Variants in UNC13D observed in about 807,000 individuals in gnomAD.
The protein encoded by UNC13D is unc-13 homolog D.
UNC13D carries 115 observed loss-of-function variants against 151.7 expected under a neutral mutation model. The ratio of observed to expected loss-of-function variants is 0.76; its 90% CI spans 0.65 to 0.88. The LOEUF is 0.88. Among genes scored for constraint, UNC13D ranks in the 40% least tolerant of loss-of-function variants. The pLI, the probability that UNC13D is intolerant of heterozygous loss-of-function variation, is 0.00. For missense variants in UNC13D, 1,369 were observed against 1,438.7 expected (o/e 0.95, Z 0.78); for synonymous variants, 588 against 612.2 (o/e 0.96, Z 0.58).
At chr17:75,837,920 C>G (rs1260115264) in intron 12 of UNC13D, among the ~76,000 whole-genome samples, 1 of 152,102 alleles carries the variant, frequency 6.6e-6, no homozygotes, top group Admixed American at 6.5e-5. Flanking sequence ...AGCCTGGGGA[C>G]AGGCCGAAGT....
At position 75,843,285 on chromosome 17, in the gene UNC13D, C is replaced by T. The variant is rs3744009; in HGVS notation, c.154-19G>A. 0.26 allele frequency: 409,960 copies of T among 1,602,580 alleles called. 55,603 individuals are homozygous for T. Among genetic ancestry groups the T allele is most frequent in the African/African-American group, 0.48 (36,138 of 74,862 alleles). On this transcript the variant is annotated intron_variant, in intron 2 of 31. Transcript: ENST00000207549. ...GGGCCCGCTAAGACACACGGGGTCA[C>T]CTTGGGGACCCCACCAGCCACCCCT...
chr17:75,842,644 AGGGAGTCGGCTGGGTCCCT>A, intron 5 of UNC13D, 31 bp from the exon 6 acceptor site: 1 of 1,609,748 alleles, frequency 6.2e-7, no homozygotes, highest in Non-Finnish European at 8.5e-7. Context: ...CGAGGCAGCC[AGGGAGTCGGCTGGGTCCCT>A]GGGAGAGGCC....
chr17:75,831,719 T>G, intron 25 of UNC13D: 1 of 270,630 alleles, frequency 3.7e-6, no homozygotes, highest in Non-Finnish European at 7.2e-6. Flanking sequence ...TCCCAGCACT[T>G]TGGGAGGTCG....
intron 25 of UNC13D, chr17:75,831,589 C>T: frequency 1.7e-6 from 1 of 575,328 alleles, no homozygotes; most frequent in Non-Finnish European, 3.1e-6. Flanking sequence ...AGTGAGGAAC[C>T]CTCCCCAGCA....
At position 75,840,817 on chromosome 17, in the gene UNC13D, C is replaced by T; in HGVS notation, c.628G>A (p.Val210Met). 6.2e-7 allele frequency: 1 copy of T among 1,614,060 alleles called. No individual in the cohort carries two copies. Among genetic ancestry groups the T allele is most frequent in the Non-Finnish European group, 8.5e-7 (1 of 1,180,038 alleles). The change falls in exon 8 of 32, where the codon GTG becomes ATG. Residue 210 changes from valine (V) to methionine (M), a missense_variant. By Grantham distance (21) the Val-to-Met change is conservative. This residue lies in a region of UNC13D where 550 missense variants were observed against 609.0 expected (regional missense o/e 0.90). Transcript: ENST00000207549. This position sits in a 1 kb window ranked among gnomAD's most constrained non-coding sequence, Gnocchi z 4.6. The part of the protein sequence containing the change: ...FHLDMWDLDT[V>M]ESVRQKLGEL... ...CCAAGCTTCTGTCGGACAGACTCCA[C>T]AGTGTCCAGGTCCCTGGCAGGACAG...
rs758913155 is a variant in UNC13D at position 75,834,068 on chromosome 17, C to T, written c.2367+7G>A. ...GGTGAAGGCCAGCAGGCAGAAGGGCCACTTACATCCTCAGGCAGGACAGAC... is the reference window on the plus strand; with the variant it reads ...GGTGAAGGCCAGCAGGCAGAAGGGCTACTTACATCCTCAGGCAGGACAGAC... On this transcript the variant is annotated splice_region_variant and intron_variant, in intron 24 of 31. Coordinates refer to ENST00000207549, the MANE Select transcript of UNC13D (RefSeq NM_199242.3). 6.2e-7 allele frequency: 1 copy of T among 1,613,650 alleles called. No individual in the cohort carries two copies. The highest frequency in any genetic ancestry group is 8.5e-7 in the Non-Finnish European group (1 of 1,180,004).
At position 75,834,532 on chromosome 17, in the gene UNC13D, C is replaced by T. The variant is rs2064893532; in HGVS notation, c.2092-1G>A. On this transcript the variant is annotated splice_acceptor_variant, in intron 22 of 31. Transcript: ENST00000207549. LOFTEE classifies it high-confidence loss of function. ...CCATGTCATTCACCACCACACACAG[C>T]TGGGACAGAGATGCAGAGCTTCCTG... is the stretch of plus-strand genomic sequence containing the variant. 1.9e-6 allele frequency: 3 copies of T among 1,596,262 alleles called. No homozygotes were observed. Among genetic ancestry groups the T allele is most frequent in the Non-Finnish European group, 2.6e-6 (3 of 1,171,470 alleles).
rs199672701 is a variant in UNC13D at position 75,836,056 on chromosome 17, G to A, written c.1500C>T (p.Gly500=). 34 of 1,613,762 alleles carry A rather than the reference G, an allele frequency of 2.1e-5. No homozygotes were observed. Among genetic ancestry groups the A allele is most frequent in the Admixed American group, 6.7e-5 (4 of 60,012 alleles). Residue 500 remains glycine (G), a synonymous_variant, in exon 17 of 32, where the codon GGC becomes GGT. Coordinates refer to ENST00000207549, the MANE Select transcript of UNC13D (RefSeq NM_199242.3). ...ALLGLVQDVI[G]DLHQCQRTWD... ...ATGTGCGCTGGCACTGGTGCAGGTC[G>A]CCAATGACATCCTGTACCAGGCCCA...
At position 75,840,940 on chromosome 17, in the gene UNC13D, C is replaced by A; in HGVS notation, c.614+17G>T. The A allele has an allele frequency of 6.2e-7, 1 of 1,614,060 alleles. No homozygotes were observed. Among genetic ancestry groups the A allele is most frequent in the Non-Finnish European group, 8.5e-7 (1 of 1,180,024 alleles). On this transcript the variant is annotated intron_variant, in intron 7 of 31. Transcript: ENST00000207549. This position sits in a 1 kb window ranked among gnomAD's most constrained non-coding sequence, Gnocchi z 4.6. Reference sequence around the variant, plus strand: ...TCCCTTCCCTTCCCATCCCTAGGGGCAGGCCAGGTCACTCACCACATGTCC... The same window carrying A: ...TCCCTTCCCTTCCCATCCCTAGGGGAAGGCCAGGTCACTCACCACATGTCC...
rs959141233 is a variant in UNC13D at position 75,833,831 on chromosome 17, C to T, written c.2367+244G>A. ...CAGCTGAGAAGGATGTGCACCCTGG[C>T]CTGTTTGGCTGCAAAGTCTAAGCCG... On this transcript the variant is annotated intron_variant, in intron 24 of 31. Transcript: ENST00000207549. The surrounding 1 kb of genome is among the most constrained non-coding windows in gnomAD (Gnocchi z 4.0). Among the ~76,000 whole-genome samples, 3 of 152,194 alleles carry T rather than the reference C, an allele frequency of 2.0e-5. No homozygotes were observed. The highest frequency in any genetic ancestry group is 4.4e-5 in the Non-Finnish European group (3 of 68,042).
rs774667766 is a variant in UNC13D at position 75,836,396 on chromosome 17, A to G, written c.1332T>C (p.Phe444=). The G allele has an allele frequency of 5.0e-6, 8 of 1,613,622 alleles. No individual in the cohort carries two copies. Among genetic ancestry groups the G allele is most frequent in the African/African-American group, 4.0e-5 (3 of 74,948 alleles). The part of the protein sequence containing the change: ...VLVQMCKMKA[F]GELCPNTAPL... ...GGGCGGTGTTGGGGCACAGTTCTCCAAAGGCCTTCATCTTGCACATCTGTA... is the reference window on the plus strand; with the variant it reads ...GGGCGGTGTTGGGGCACAGTTCTCCGAAGGCCTTCATCTTGCACATCTGTA... The change falls in exon 15 of 32, where the codon TTT becomes TTC. Residue 444 remains phenylalanine (F), a synonymous_variant. Coordinates refer to ENST00000207549, the MANE Select transcript of UNC13D (RefSeq NM_199242.3).
rs144543659 is a variant in UNC13D at position 75,833,522 on chromosome 17, G to A, written c.2368-477C>T. Among the ~76,000 whole-genome samples, 264 of 152,258 alleles carry A rather than the reference G, an allele frequency of 1.7e-3. 1 individual carries two copies. Among genetic ancestry groups the A allele is most frequent in the African/African-American group, 6.0e-3 (250 of 41,532 alleles). On this transcript the variant is annotated intron_variant, in intron 24 of 31. Transcript: ENST00000207549. The surrounding 1 kb of genome is among the most constrained non-coding windows in gnomAD (Gnocchi z 4.0). Reference sequence around the variant, plus strand: ...GCACGCGCATACACGCCTGTGCATAGAGTTAACAGCTATAACTATCACTAT... The same window carrying A: ...GCACGCGCATACACGCCTGTGCATAAAGTTAACAGCTATAACTATCACTAT...
intron 31 of UNC13D, 99 bp downstream of exon 31, chr17:75,828,688 G>T: frequency 7.5e-7 from 1 of 1,326,562 alleles, no homozygotes. Context: ...CCGTCTCCAG[G>T]GAAGCTGTTC....
chr17:75,841,386 G>A (rs1433871423), intron 6 of UNC13D, among the ~76,000 whole-genome samples: 5 of 149,888 alleles, frequency 3.3e-5, no homozygotes, highest in African/African-American at 9.9e-5. Context: ...CTCGTGATCC[G>A]CCCGCCTAGG....
chr17:75,837,006 C>CCCTCCTCCAGGGCCCCTGGTGGAGAA lies in UNC13D; in HGVS notation c.1056-89_1056-88insTTCTCCACCAGGGGCCCTGGAGGAGG, dbSNP rs142821095. The CCCTCCTCCAGGGCCCCTGGTGGAGAA allele has an allele frequency of 0.35, 419,885 of 1,211,042 alleles. 88,192 individuals are homozygous for CCCTCCTCCAGGGCCCCTGGTGGAGAA. The highest frequency in any genetic ancestry group is 0.83 in the African/African-American group (56,229 of 67,458). The allele number at this position is 1,211,042 out of a possible 1,614,324, so 75.0% of individuals were successfully genotyped here. On this transcript the variant is annotated intron_variant, in intron 12 of 31. Transcript: ENST00000207549. ...CGGCCTCAGGTGGGGGGAATCGCCT[C>CCCTCCTCCAGGGCCCCTGGTGGAGAA]CCATCCACCAGTACAGGCTGAAAAC...
At chr17:75,828,541 A>G (rs2062139617) in intron 31 of UNC13D, among the ~76,000 whole-genome samples, 1 of 152,232 alleles carries the variant, frequency 6.6e-6, no homozygotes, top group Non-Finnish European at 1.5e-5. Flanking sequence ...GGCCCCGCCG[A>G]GTGAGATCCA....
chr17:75,837,006 C>G (rs981183553), intron 12 of UNC13D, 88 bp from the exon 13 acceptor site: 4 of 1,211,568 alleles, frequency 3.3e-6, no homozygotes, highest in Non-Finnish European at 3.6e-6. Flanking sequence ...GGAATCGCCT[C>G]CCATCCACCA....
rs1055645115 is a variant in UNC13D, at chr17:75,834,335, A to G, written c.2288T>C (p.Leu763Pro). ...GGTCGGACAAGGTACCTGCTCGGCC[A>G]GGGTGCGGACGCCAGTGCGGATCTC... ...GHEIRTGVRT[L>P]AEQLEVGIAK... The change falls in exon 23 of 32, where the codon CTG becomes CCG. Residue 763 changes from leucine (L) to proline (P), a missense_variant. Physicochemically the swap from Leu to Pro is moderately conservative, Grantham distance 98 (BLOSUM62 -3). Around this residue, in one of 3 missense-constraint regions of UNC13D, gnomAD observed 807 missense variants for 795.5 expected, o/e 1.01. Coordinates refer to ENST00000207549, the MANE Select transcript of UNC13D (RefSeq NM_199242.3). 1.3e-6 allele frequency: 2 copies of G among 1,594,836 alleles called. No homozygotes were observed. The highest frequency in any genetic ancestry group is 1.3e-5 in the African/African-American group (1 of 74,840).
rs779792868 is a variant in UNC13D, at chr17:75,836,087, GC to G, written c.1468del (p.Ala490ProfsTer58). ...MVQGIPEAGK[A>X]LLGLVQDVIG... ...GACATCCTGTACCAGGCCCAGCAAGGCCTTGCCTGCCTCCGGGATGCCCTGC... is the reference window on the plus strand; with the variant it reads ...GACATCCTGTACCAGGCCCAGCAAGGCTTGCCTGCCTCCGGGATGCCCTGC... On this transcript the variant is annotated frameshift_variant, in exon 17 of 32. Coordinates refer to ENST00000207549, the MANE Select transcript of UNC13D (RefSeq NM_199242.3). LOFTEE classifies it high-confidence loss of function. 3 of 1,613,428 alleles carry G rather than the reference GC, an allele frequency of 1.9e-6. No homozygotes were observed. The highest frequency in any genetic ancestry group is 2.5e-6 in the Non-Finnish European group (3 of 1,180,044).
Sources: allele counts gnomAD v4.1 joint callset (sites outside exome capture counted in the v4.1 genomes callset), GRCh38; gene constraint gnomAD v4.1.1; regional missense constraint gnomAD v4.1.1; non-coding constraint Gnocchi (gnomAD v3.1); transcripts MANE v1.5; gene names NCBI Gene and HGNC (gene_info 2026-07-23, HGNC 2026-07-21).